The following SUCLG1 variants were observed in gnomAD, a reference collection of about 807,000 sequenced individuals.
SUCLG1 encodes succinate--CoA ligase [ADP/GDP-forming] subunit alpha, mitochondrial.
In SUCLG1, 26 loss-of-function variants were observed where a neutral mutation model predicts 37.3. The observed-to-expected ratio is 0.70, with a 90% CI of 0.51 to 0.97. SUCLG1 has a LOEUF of 0.97. SUCLG1 is among the 50% of genes least tolerant of loss of function. The probability of loss-of-function intolerance (pLI) is 0.00; values close to 1 mark genes in which losing one functional copy is unlikely to be tolerated. For missense variants in SUCLG1, 433 were observed against 432.9 expected, an observed-to-expected ratio of 1.00 and a Z score of 0.00; for synonymous variants, 163 against 155.6, an observed-to-expected ratio of 1.05 and a Z score of -0.36.
At chr2:84,440,068 A>T (rs1266538656) in intron 5 of SUCLG1, among the ~76,000 whole-genome samples, 1 of 152,192 alleles carries the variant, frequency 6.6e-6, no homozygotes, top group Non-Finnish European at 1.5e-5. Context: ...CTCTCAGTAG[A>T]ATGGCTACAT....
chr2:84,459,041 G>T, intron 1 of SUCLG1, 132 bp downstream of exon 1: 1 of 912,330 alleles, frequency 1.1e-6, no homozygotes, highest in Non-Finnish European at 1.6e-6. Context: ...CTCGAAGCCG[G>T]AATCCCAAGC....
intron 7 of SUCLG1, chr2:84,425,914 T>G: frequency 2.6e-6 from 1 of 383,138 alleles, no homozygotes; most frequent in South Asian, 2.3e-5. Flanking sequence ...GAAAATATGA[T>G]TTGCGATAAT....
intron 1 of SUCLG1, 43 bp from the exon 2 acceptor site, chr2:84,449,795 T>G: frequency 7.3e-7 from 1 of 1,362,594 alleles, no homozygotes; most frequent in Non-Finnish European, 1.0e-6. Context: ...AAAGACACAT[T>G]ATAATTTTTC....
Position 84,441,333 on chromosome 2 carries a change from G to A in SUCLG1, c.445C>T (p.Gln149Ter). The A allele has an allele frequency of 2.5e-6, 4 of 1,614,002 alleles. No individual in the cohort carries two copies. The highest frequency in any genetic ancestry group is 3.4e-6 in the Non-Finnish European group (4 of 1,179,992). The change falls in exon 4 of 9, where the codon CAG (glutamine) becomes TAG (stop). Residue 149 changes from glutamine to a stop codon, truncating the protein, a stop_gained. Transcript: ENST00000393868. LOFTEE classifies it high-confidence loss of function. ...LVVCITEGIP[Q>*]QDMVRVKHKL... ...TGCTTGACTCGTACCATGTCCTGCT[G>A]GGGAATTCCTTCAGTGATACACACA...
intron 1 of SUCLG1, among the ~76,000 whole-genome samples, chr2:84,450,017 A>G (rs997223475): frequency 2.0e-5 from 3 of 152,042 alleles, no homozygotes; most frequent in Non-Finnish European, 4.4e-5. Context: ...AACTGAGGGA[A>G]AAAAAAGCAA....
chr2:84,459,141 G>A (rs1673104545), intron 1 of SUCLG1, 32 bp downstream of exon 1: 3 of 1,529,504 alleles, frequency 2.0e-6, no homozygotes, highest in Non-Finnish European at 2.7e-6. Flanking sequence ...ATAACCCGCG[G>A]GCGCCAGGAA....
intron 6 of SUCLG1, chr2:84,432,825 A>AT (rs897784282): frequency 1.3e-5 from 2 of 152,188 alleles, no homozygotes; most frequent in African/African-American, 4.8e-5. Context: ...AAAATTTGTA[A>AT]TTTTTACTTT....
intron 2 of SUCLG1, among the ~76,000 whole-genome samples, chr2:84,448,170 GA>G (rs60206307): frequency 0.9 from 123,639 of 137,706 alleles, 55,435 homozygotes; most frequent in East Asian, 0.98. Flanking sequence ...AGTTATTTCA[GA>G]AAAAAAAAAA....
intron 1 of SUCLG1, among the ~76,000 whole-genome samples, chr2:84,457,148 C>T (rs1673033055): frequency 6.6e-6 from 1 of 152,094 alleles, no homozygotes; most frequent in African/African-American, 2.4e-5. Flanking sequence ...GCTCTATTAG[C>T]TTCACAGACT....
chr2:84,446,386 T>C (rs550740394), intron 2 of SUCLG1, among the ~76,000 whole-genome samples: 8 of 152,216 alleles, frequency 5.3e-5, no homozygotes, highest in Non-Finnish European at 1.2e-4. Context: ...AAATAGCTGT[T>C]GAAAAATGAA....
intron 2 of SUCLG1, among the ~76,000 whole-genome samples, chr2:84,444,594 T>C (rs760389191): frequency 2.0e-5 from 3 of 152,216 alleles, no homozygotes; most frequent in African/African-American, 7.2e-5. Context: ...CGCATTGCAT[T>C]GATAATATCT....
chr2:84,455,043 G>T (rs1266435016), intron 1 of SUCLG1, among the ~76,000 whole-genome samples: 1 of 152,106 alleles, frequency 6.6e-6, no homozygotes, highest in Admixed American at 6.5e-5. Context: ...ACAGGCTACT[G>T]CAGTCTACAC....
chr2:84,440,629 TG>T (rs766274904), intron 5 of SUCLG1, among the ~76,000 whole-genome samples: 2 of 152,174 alleles, frequency 1.3e-5, no homozygotes, highest in Non-Finnish European at 2.9e-5. Flanking sequence ...AAGCCTTGTT[TG>T]TAAGGCTCAA....
At position 84,449,703 on chromosome 2, in the gene SUCLG1, A is replaced by C; in HGVS notation, c.147T>G (p.His49Gln). The C allele has an allele frequency of 2.5e-6, 4 of 1,591,318 alleles. No homozygotes were observed. The highest frequency in any genetic ancestry group is 3.4e-6 in the Non-Finnish European group (4 of 1,167,586). ...RHCSYTASRQ[H>Q]LYVDKNTKII... Reference sequence around the variant, plus strand: ...TCTTTGTATTTTTATCAACATAGAGATGTTGCCGAGAAGCTGTGTAGGAAC... The same window carrying C: ...TCTTTGTATTTTTATCAACATAGAGCTGTTGCCGAGAAGCTGTGTAGGAAC... The change falls in exon 2 of 9, where the codon CAT becomes CAG. Residue 49 changes from histidine (H) to glutamine (Q), a missense_variant. Physicochemically the swap from His to Gln is conservative, Grantham distance 24. Transcript: ENST00000393868.
chr2:84,438,374 G>A lies in SUCLG1; in HGVS notation c.589+2673C>T, dbSNP rs536149628. 9.2e-5 allele frequency among the ~76,000 whole-genome samples: 14 copies of A among 152,278 alleles called. No homozygotes were observed. The East Asian group carries it at 2.7e-3, about 29-fold the overall frequency. On this transcript the variant is annotated intron_variant, in intron 5 of 8. Coordinates refer to ENST00000393868, the MANE Select transcript of SUCLG1 (RefSeq NM_003849.4). ...TATCATAAGAGAAATAAATAACATG[G>A]TGCAGTTAAATATCATCAATTTGGA... is the stretch of plus-strand genomic sequence containing the variant.
rs1672491939 is a variant in SUCLG1 at position 84,423,787 on chromosome 2, G to C, written c.1015-15C>G. The C allele has an allele frequency of 4.4e-6, 7 of 1,600,018 alleles. No individual in the cohort carries two copies. The highest frequency in any genetic ancestry group is 3.3e-4 in the Middle Eastern group (2 of 6,060). On this transcript the variant is annotated splice_polypyrimidine_tract_variant and intron_variant, in intron 8 of 8. Transcript: ENST00000393868. ...TTTTCAAATTCCTTCAGAAACAGAAGAGAGAGAGAAGAGAGATGGAATGAA... is the reference window on the plus strand; with the variant it reads ...TTTTCAAATTCCTTCAGAAACAGAACAGAGAGAGAAGAGAGATGGAATGAA...
intron 5 of SUCLG1, 132 bp from the exon 6 acceptor site, chr2:84,433,567 C>A: frequency 2.6e-6 from 2 of 760,650 alleles, no homozygotes; most frequent in Non-Finnish European, 4.6e-6. Flanking sequence ...CCATCAAAAT[C>A]AATAGTATCT....
At chr2:84,425,880 T>C (rs1672529657) in intron 7 of SUCLG1, 3 of 456,980 alleles carry the variant, frequency 6.6e-6, no homozygotes, top group Non-Finnish European at 1.2e-5. Flanking sequence ...GACGCTATCA[T>C]TTGAAAAGTA....
intron 1 of SUCLG1, among the ~76,000 whole-genome samples, chr2:84,450,429 A>C (rs1448791431): frequency 2.0e-5 from 3 of 151,880 alleles, no homozygotes; most frequent in African/African-American, 7.2e-5. Context: ...AAAAAAAAAA[A>C]ACCCTAGGTT....
Sources: allele counts gnomAD v4.1 joint callset (sites outside exome capture counted in the v4.1 genomes callset), GRCh38; gene constraint gnomAD v4.1.1; transcripts MANE v1.5; gene names NCBI Gene and HGNC (gene_info 2026-07-23, HGNC 2026-07-21).